The following BFAR variants were observed in gnomAD, a reference collection of about 807,000 sequenced individuals.
BFAR encodes bifunctional apoptosis regulator.
Under a neutral mutation model 54.4 loss-of-function variants are expected in BFAR, and 52 were observed. The observed-to-expected ratio is 0.96, with a 90% CI of 0.77 to 1.21. BFAR has a LOEUF of 1.21. Among genes scored for constraint, BFAR ranks in the 50% most tolerant of loss-of-function variants. BFAR has a pLI of 0.00. For synonymous variants in BFAR, 215 were observed against 204.3 expected, an observed-to-expected ratio of 1.05 and a Z score of -0.45; for missense variants, 571 against 534.0, an observed-to-expected ratio of 1.07 and a Z score of -0.68.
rs780711896 is a variant in BFAR, at chr16:14,644,495, G to C, written c.149G>C (p.Gly50Ala). 22 of 1,614,000 alleles carry C rather than the reference G, an allele frequency of 1.4e-5. No homozygotes were observed. In the South Asian group the frequency reaches 2.3e-4, roughly 17 times the overall value. Residue 50 changes from glycine to alanine, a missense_variant, in exon 2 of 8, where the codon GGG becomes GCG. Transcript: ENST00000261658. Reference protein sequence around the residue: ...ILVNPTTLNCGHSFCRHCLAL... With the variant: ...ILVNPTTLNCAHSFCRHCLAL... Reference sequence around the variant, plus strand: ...GTTAACCCCACCACCTTGAACTGTGGGCACAGCTTCTGCCGTCACTGCCTT... The same window carrying C: ...GTTAACCCCACCACCTTGAACTGTGCGCACAGCTTCTGCCGTCACTGCCTT...
chr16:14,651,684 C>T (rs1056441110), intron 4 of BFAR, among the ~76,000 whole-genome samples: 5 of 151,416 alleles, frequency 3.3e-5, no homozygotes, highest in Non-Finnish European at 5.9e-5. Flanking sequence ...TTTGCCATGT[C>T]GCCCAGTCTG....
intron 4 of BFAR, among the ~76,000 whole-genome samples, chr16:14,652,948 C>G (rs536335686): frequency 2.6e-5 from 4 of 152,256 alleles, no homozygotes; most frequent in African/African-American, 9.6e-5. Flanking sequence ...GACTTTTTCT[C>G]TCCTCTCCAC....
At chr16:14,646,938 T>C (rs1166498158) in intron 2 of BFAR, among the ~76,000 whole-genome samples, 1 of 152,118 alleles carries the variant, frequency 6.6e-6, no homozygotes, top group Non-Finnish European at 1.5e-5. Flanking sequence ...TTTTTTTAAA[T>C]ACTTTTTTTT....
intron 2 of BFAR, among the ~76,000 whole-genome samples, chr16:14,645,358 AATTGTGAATAACTGGTTTGTTGCTG>A (rs1959762093): frequency 6.6e-6 from 1 of 152,172 alleles, no homozygotes; most frequent in African/African-American, 2.4e-5. Context: ...ATAACTGTAT[AATTGTGAATAACTGGTTTGTTGCTG>A]ATTTTAATAA....
chr16:14,634,903 G>T (rs1325637922), intron 1 of BFAR, among the ~76,000 whole-genome samples: 1 of 152,182 alleles, frequency 6.6e-6, no homozygotes, highest in East Asian at 1.9e-4. Context: ...AGACAAGAAA[G>T]ATTAATTTGG....
chr16:14,655,027 A>G (rs756022367), intron 4 of BFAR, 39 bp from the exon 5 acceptor site: 10 of 1,562,994 alleles, frequency 6.4e-6, no homozygotes, highest in Non-Finnish European at 8.6e-6. Flanking sequence ...TGCTTCCAGT[A>G]TATAATCGCA....
chr16:14,643,832 C>CT (rs1283644656), intron 1 of BFAR: 2 of 151,678 alleles, frequency 1.3e-5, no homozygotes, highest in Non-Finnish European at 2.9e-5. Context: ...GTTTTCTGGT[C>CT]TTTATCAGAA....
At chr16:14,656,368 G>A (rs1300291899) in intron 5 of BFAR, among the ~76,000 whole-genome samples, 1 of 151,806 alleles carries the variant, frequency 6.6e-6, no homozygotes, top group Non-Finnish European at 1.5e-5. Context: ...TCTACAAAAA[G>A]TACAGACACA....
chr16:14,641,407 G>C (rs1454845221), intron 1 of BFAR, among the ~76,000 whole-genome samples: 1 of 152,100 alleles, frequency 6.6e-6, no homozygotes, highest in African/African-American at 2.4e-5. Context: ...TTCTCAAAGA[G>C]GCCTTTAATT....
At chr16:14,657,139 G>A (rs1244755169) in intron 5 of BFAR, among the ~76,000 whole-genome samples, 1 of 152,052 alleles carries the variant, frequency 6.6e-6, no homozygotes, top group Non-Finnish European at 1.5e-5. Flanking sequence ...TCTGTAATAT[G>A]TGCGTGTATT....
At chr16:14,647,771 A>G (rs1032697834) in intron 2 of BFAR, among the ~76,000 whole-genome samples, 1 of 152,176 alleles carries the variant, frequency 6.6e-6, no homozygotes, top group Non-Finnish European at 1.5e-5. Flanking sequence ...TACTATTTTA[A>G]ATCAATTATG....
intron 1 of BFAR, among the ~76,000 whole-genome samples, chr16:14,641,760 C>G (rs1959635176): frequency 6.6e-6 from 1 of 151,550 alleles, no homozygotes; most frequent in African/African-American, 2.4e-5. Context: ...ACTTAGGAGG[C>G]TGAGGCAGGA....
chr16:14,645,198 C>A (rs1429928691), intron 2 of BFAR, among the ~76,000 whole-genome samples: 3 of 151,808 alleles, frequency 2.0e-5, no homozygotes, highest in Non-Finnish European at 4.4e-5. Context: ...GCCTATAGTC[C>A]CAGCTATGCC....
intron 5 of BFAR, among the ~76,000 whole-genome samples, chr16:14,658,728 A>G (rs1198563869): frequency 1.3e-5 from 2 of 150,830 alleles, no homozygotes; most frequent in Non-Finnish European, 3.0e-5. Flanking sequence ...CCGAGACTCC[A>G]TCTGAAAAAA....
Position 14,655,176 on chromosome 16 carries a change from G to GC in BFAR, c.750dup (p.Val251ArgfsTer11). On this transcript the variant is annotated frameshift_variant, in exon 5 of 8. Coordinates refer to ENST00000261658, the MANE Select transcript of BFAR (RefSeq NM_016561.3). LOFTEE classifies it high-confidence loss of function. Reference sequence around the variant, plus strand: ...GAGCTAGAACGTGTCAAAGCATTAGGCGTGAAGCCCCCCCAGAATCTCTGG... The same window carrying GC: ...GAGCTAGAACGTGTCAAAGCATTAGGCCGTGAAGCCCCCCCAGAATCTCTGG... 6.4e-7 allele frequency: 1 copy of GC among 1,566,040 alleles called. No homozygotes were observed. The highest frequency in any genetic ancestry group is 8.6e-7 in the Non-Finnish European group (1 of 1,158,132).
intron 1 of BFAR, chr16:14,633,560 T>A (rs1012140566): frequency 3.9e-5 from 6 of 152,276 alleles, no homozygotes; most frequent in African/African-American, 1.2e-4. Context: ...AGGGAGAAAG[T>A]GAAATCCCAA....
chr16:14,636,893 T>C (rs1333156247), intron 1 of BFAR, among the ~76,000 whole-genome samples: 1 of 152,190 alleles, frequency 6.6e-6, no homozygotes, highest in Admixed American at 6.5e-5. Context: ...AGCATCTGTT[T>C]AACAAAGCAC....
chr16:14,643,589 C>T (rs1331881814), intron 1 of BFAR, among the ~76,000 whole-genome samples: 2 of 151,928 alleles, frequency 1.3e-5, no homozygotes, highest in East Asian at 1.9e-4. Flanking sequence ...GGCAATGTGG[C>T]GAAACTGCAT....
Position 14,668,080 on chromosome 16 carries a change from C to T in BFAR, c.*253C>T. The T allele has an allele frequency of 1.9e-6, 1 of 515,914 alleles. No homozygotes were observed. The highest frequency in any genetic ancestry group is 3.4e-6 in the Non-Finnish European group (1 of 290,430). 32.0% of individuals were successfully genotyped at this position (515,914 alleles called of 1,614,324 possible). On this transcript the variant is annotated 3_prime_UTR_variant, in exon 8 of 8. Transcript: ENST00000261658. Reference sequence around the variant, plus strand: ...GCAGCCCTTCCCACCCAGCCACCTTCCTCACAGGGACTAGGAGGCTCAGTC... The same window carrying T: ...GCAGCCCTTCCCACCCAGCCACCTTTCTCACAGGGACTAGGAGGCTCAGTC...
Sources: gnomAD v4.1 joint callset for allele counts (sites outside exome capture counted in the v4.1 genomes callset) on GRCh38, gnomAD v4.1.1 for gene constraint, MANE v1.5 for transcripts, NCBI Gene and HGNC (gene_info 2026-07-23, HGNC 2026-07-21) for gene names.